MRTFA: variants seen among roughly 807,000 people sequenced by gnomAD.
MRTFA encodes the protein myocardin-related transcription factor A.
In MRTFA, 20 loss-of-function variants were observed where a neutral mutation model predicts 83.5. The ratio of observed to expected loss-of-function variants is 0.24; its 90% confidence interval spans 0.17 to 0.35. The LOEUF (loss-of-function observed/expected upper bound fraction) is 0.35. Ranked by LOEUF, MRTFA falls within the 10% of genes least tolerant of loss-of-function variation. The pLI is 1.00. For synonymous variants in MRTFA, 659 were observed against 541.2 expected, an observed-to-expected ratio of 1.22 and a Z score of -3.02; for missense variants, 1,200 against 1,224.7, an observed-to-expected ratio of 0.98 and a Z score of 0.30.
intron 2 of MRTFA, among the ~76,000 whole-genome samples, chr22:40,575,277 G>A (rs1307555496): frequency 6.6e-6 from 1 of 152,094 alleles, no homozygotes; most frequent in Non-Finnish European, 1.5e-5. Flanking sequence ...CTTGCATAGA[G>A]AAGATACTCA....
intron 3 of MRTFA, among the ~76,000 whole-genome samples, chr22:40,517,518 A>G (rs753825837): frequency 5.9e-5 from 9 of 152,238 alleles, no homozygotes; most frequent in Admixed American, 1.3e-4. Flanking sequence ...TCTTAGCCGT[A>G]AAATGGGATA....
chr22:40,420,790 CCTGGCTCAGG>C (rs2052818370), intron 10 of MRTFA, 47 bp downstream of exon 10: 6 of 1,603,004 alleles, frequency 3.7e-6, no homozygotes, highest in Non-Finnish European at 4.2e-6. Context: ...CTGGCACCTG[CCTGGCTCAGG>C]GTGGCTCGGG....
Position 40,586,571 on chromosome 22 carries a change from C to G in MRTFA, c.-22+8103G>C, listed in dbSNP as rs11914182. ...CCTGGAATAATTCAGAGATTACATA[C>G]TAAAGCTCTGAAGGATTTGTTCAAA... On this transcript the variant is annotated intron_variant, in intron 2 of 14. Transcript: ENST00000355630. 2.3e-3 allele frequency: 391 copies of G among 167,798 alleles called. 2 individuals carry two copies. Among genetic ancestry groups the G allele is most frequent in the African/African-American group, 9.0e-3 (375 of 41,634 alleles). 10.4% of individuals were successfully genotyped at this position (167,798 alleles called of 1,614,324 possible).
chr22:40,609,068 G>A (rs923323404), intron 1 of MRTFA, among the ~76,000 whole-genome samples: 5 of 151,992 alleles, frequency 3.3e-5, no homozygotes, highest in Non-Finnish European at 7.4e-5. Context: ...CGAGGCAGGC[G>A]GATCATGAGG....
At chr22:40,467,103 C>A (rs2147160124) in intron 3 of MRTFA, among the ~76,000 whole-genome samples, 1 of 152,250 alleles carries the variant, frequency 6.6e-6, no homozygotes, top group Middle Eastern at 3.4e-3. Flanking sequence ...CATCTTGTCC[C>A]TCCCAGGAGT....
rs551092105 is a variant in MRTFA at position 40,419,043 on chromosome 22, C to T, written c.1695G>A (p.Thr565=). ...CCCCGGGGGTGGAGTTTTCATCGCCCGTGCTGAGCAGTGAGCGCTCCGAGG... is the reference window on the plus strand; with the variant it reads ...CCCCGGGGGTGGAGTTTTCATCGCCTGTGCTGAGCAGTGAGCGCTCCGAGG... The change falls in exon 12 of 15, where the codon ACG becomes ACA. Residue 565 remains threonine, a synonymous_variant. Transcript: ENST00000355630. 1.3e-4 allele frequency: 205 copies of T among 1,611,944 alleles called. 2 individuals are homozygous for T. In the East Asian group the frequency reaches 3.4e-3, roughly 27 times the overall value.
At chr22:40,630,493 A>G (rs553002765) in intron 1 of MRTFA, among the ~76,000 whole-genome samples, 1 of 152,276 alleles carries the variant, frequency 6.6e-6, no homozygotes, top group African/African-American at 2.4e-5. Flanking sequence ...TTCAGACTTC[A>G]ACTTGGAGAA....
chr22:40,529,404 C>T (rs935676659), intron 3 of MRTFA, among the ~76,000 whole-genome samples: 21 of 152,088 alleles, frequency 1.4e-4, no homozygotes, highest in African/African-American at 5.1e-4. Context: ...GCAACCTCCA[C>T]CTCCTGGGTT....
At chr22:40,420,659 T>C in intron 10 of MRTFA, 83 bp from the exon 11 acceptor site, 2 of 1,567,202 alleles carry the variant, frequency 1.3e-6, no homozygotes, top group Non-Finnish European at 8.6e-7. Flanking sequence ...GGCAGCAGGA[T>C]TGGGTACAGA....
chr22:40,540,414 C>A (rs985219670), intron 3 of MRTFA, among the ~76,000 whole-genome samples: 30 of 152,150 alleles, frequency 2.0e-4, no homozygotes, highest in African/African-American at 7.2e-4. Context: ...TTTCTCACAG[C>A]CTCCATGGAT....
chr22:40,458,278 T>C (rs959953202), intron 4 of MRTFA, among the ~76,000 whole-genome samples: 13 of 152,234 alleles, frequency 8.5e-5, no homozygotes, highest in East Asian at 1.9e-4. Context: ...TTGAAACTTA[T>C]GTTTACATGA....
intron 2 of MRTFA, among the ~76,000 whole-genome samples, chr22:40,572,880 T>G (rs2055815846): frequency 6.6e-6 from 1 of 152,118 alleles, no homozygotes; most frequent in Non-Finnish European, 1.5e-5. Context: ...CCCACCGGGT[T>G]CCTCCCACAA....
intron 1 of MRTFA, among the ~76,000 whole-genome samples, chr22:40,607,369 T>C (rs1003942448): frequency 1.5e-4 from 23 of 151,974 alleles, no homozygotes; most frequent in Non-Finnish European, 3.2e-4. Context: ...CAGGGCATGC[T>C]GGTGGGCGCC....
chr22:40,470,291 A>G (rs1480457393), intron 3 of MRTFA, among the ~76,000 whole-genome samples: 34 of 130,356 alleles, frequency 2.6e-4, no homozygotes, highest in Admixed American at 1.2e-3. Context: ...AAAGAAACAT[A>G]ATAAAGAGCA....
chr22:40,500,472 T>C (rs1265733604), intron 3 of MRTFA, among the ~76,000 whole-genome samples: 2 of 149,172 alleles, frequency 1.3e-5, no homozygotes, highest in East Asian at 2.0e-4. Context: ...GGGACAATAG[T>C]GGAGGGAAGG....
chr22:40,418,959 T>C lies in MRTFA; in HGVS notation c.1779A>G (p.Pro593=). The C allele has an allele frequency of 6.2e-7, 1 of 1,612,820 alleles. No individual in the cohort carries two copies. Among genetic ancestry groups the C allele is most frequent in the Non-Finnish European group, 8.5e-7 (1 of 1,179,922 alleles). ...CCTCCTCCTTCACGAGGATCTGCAG[T>C]GGCGAGGCCTGCAGGGTCAGCTGCG... The change falls in exon 12 of 15, where the codon CCA becomes CCG. Residue 593 remains proline, a synonymous_variant. Transcript: ENST00000355630.
At chr22:40,450,855 CTGTG>C (rs2053473892) in intron 4 of MRTFA, among the ~76,000 whole-genome samples, 1 of 152,198 alleles carries the variant, frequency 6.6e-6, no homozygotes, top group African/African-American at 2.4e-5. Context: ...CCAGTATAAA[CTGTG>C]ACTTTCAGGA....
chr22:40,540,577 C>T lies in MRTFA; in HGVS notation c.241+11529G>A, dbSNP rs192012271. ...GGCTGAGGTGGGTGGATCAGGGGTTCGAGACCAACCTGACCAACATGGTGA... is the reference window on the plus strand; with the variant it reads ...GGCTGAGGTGGGTGGATCAGGGGTTTGAGACCAACCTGACCAACATGGTGA... On this transcript the variant is annotated intron_variant, in intron 3 of 14. Coordinates refer to ENST00000355630, the MANE Select transcript of MRTFA (RefSeq NM_020831.6). 1.4e-3 allele frequency among the ~76,000 whole-genome samples: 212 copies of T among 152,016 alleles called. 3 individuals are homozygous for T. The highest frequency in any genetic ancestry group is 4.7e-3 in the African/African-American group (193 of 41,464).
chr22:40,555,558 A>G (rs961136583), intron 2 of MRTFA, among the ~76,000 whole-genome samples: 2 of 151,800 alleles, frequency 1.3e-5, no homozygotes, highest in African/African-American at 4.8e-5. Flanking sequence ...ACCATGAACC[A>G]ATTAAACCTC....
Sources: allele counts gnomAD v4.1 joint callset (sites outside exome capture counted in the v4.1 genomes callset), GRCh38; gene constraint gnomAD v4.1.1; transcripts MANE v1.5; gene names NCBI Gene and HGNC (gene_info 2026-07-23, HGNC 2026-07-21).